The following MAGI2 variants were observed in gnomAD, a reference collection of about 807,000 sequenced individuals.
The protein encoded by MAGI2 is membrane associated guanylate kinase, WW and PDZ domain containing 2.
MAGI2 carries 35 observed loss-of-function variants against 133.3 expected under a neutral mutation model. The ratio of observed to expected loss-of-function variants is 0.26; its 90% CI spans 0.20 to 0.35. MAGI2 has a LOEUF of 0.35. Ranked by LOEUF, MAGI2 falls within the 10% of genes least tolerant of loss-of-function variation. The probability of loss-of-function intolerance (pLI) is 1.00; values close to 1 mark genes in which losing one functional copy is unlikely to be tolerated. For synonymous variants in MAGI2, 729 were observed against 710.6 expected (o/e 1.03, Z -0.41); for missense variants, 1,636 against 1,863.4 (o/e 0.88, Z 2.25).
intron 6 of MAGI2, among the ~76,000 whole-genome samples, chr7:78,421,489 C>T (rs1462147078): frequency 7.9e-5 from 12 of 152,206 alleles, no homozygotes; most frequent in South Asian, 2.1e-4. Context: ...AGATTATTTT[C>T]GTCACATATA....
At chr7:78,622,916 A>C (rs1807903367) in intron 3 of MAGI2, among the ~76,000 whole-genome samples, 1 of 152,064 alleles carries the variant, frequency 6.6e-6, no homozygotes, top group Non-Finnish European at 1.5e-5. Flanking sequence ...AGCTCTATGC[A>C]CACTAGGCCA....
At chr7:78,131,520 A>G (rs1056170272) in intron 18 of MAGI2, among the ~76,000 whole-genome samples, 4 of 152,212 alleles carry the variant, frequency 2.6e-5, no homozygotes, top group Non-Finnish European at 5.9e-5. Flanking sequence ...AGGGATGGGA[A>G]GCAGATGTTC....
At chr7:78,338,992 CAAACAAACAAACA>C (rs1790070146) in intron 9 of MAGI2, among the ~76,000 whole-genome samples, 1 of 146,406 alleles carries the variant, frequency 6.8e-6, no homozygotes, top group South Asian at 2.3e-4. Flanking sequence ...AGAAAACAAA[CAAACAAACAAACA>C]AACAAACAAA....
intron 4 of MAGI2, among the ~76,000 whole-genome samples, chr7:78,515,355 C>CT (rs201256173): frequency 1.4e-4 from 21 of 151,232 alleles, no homozygotes; most frequent in South Asian, 8.4e-4. Flanking sequence ...CTTCTGTATA[C>CT]TTTTTTTTTA....
rs773668443 is a variant in MAGI2 at position 78,127,313 on chromosome 7, C to T, written c.3307G>A (p.Gly1103Arg). ...QPPLDYRQPP[G>R]GDYQQPPPLD... is the part of the protein sequence containing the mutation. Reference sequence around the variant, plus strand: ...GGTGGGGGCTGCTGGTAGTCCCCTCCTGGGGGTTGCCTGTAATCCAGCGGG... The same window carrying T: ...GGTGGGGGCTGCTGGTAGTCCCCTCTTGGGGGTTGCCTGTAATCCAGCGGG... Residue 1103 changes from glycine (G) to arginine (R), a missense_variant, in exon 19 of 22, where the codon GGA becomes AGA. Transcript: ENST00000354212. 1 of 1,611,782 alleles carries T rather than the reference C, an allele frequency of 6.2e-7. No individual in the cohort carries two copies. The highest frequency in any genetic ancestry group is 8.5e-7 in the Non-Finnish European group (1 of 1,179,444).
chr7:78,669,742 T>C (rs1396850868), intron 2 of MAGI2, among the ~76,000 whole-genome samples: 1 of 152,164 alleles, frequency 6.6e-6, no homozygotes, highest in Non-Finnish European at 1.5e-5. Flanking sequence ...GTGGGCTTTA[T>C]CCCTGGGATG....
At chr7:79,449,492 A>G (rs1255539054) in intron 1 of MAGI2, among the ~76,000 whole-genome samples, 2 of 152,044 alleles carry the variant, frequency 1.3e-5, no homozygotes, top group African/African-American at 4.8e-5. Flanking sequence ...AGGCCTGTGT[A>G]ACTGGCTGCT....
intron 2 of MAGI2, among the ~76,000 whole-genome samples, chr7:78,880,601 A>G (rs485595): frequency 0.61 from 92,879 of 152,030 alleles, 29,689 homozygotes; most frequent in Middle Eastern, 0.75. Context: ...ACAAAAGAAC[A>G]ATATCTGCTA....
intron 3 of MAGI2, among the ~76,000 whole-genome samples, chr7:78,532,561 A>T (rs2150629317): frequency 6.6e-6 from 1 of 152,316 alleles, no homozygotes; most frequent in Admixed American, 6.5e-5. Context: ...AAGCACTTCG[A>T]CTTTATATTT....
intron 1 of MAGI2, among the ~76,000 whole-genome samples, chr7:79,062,083 C>A (rs1244888229): frequency 6.6e-6 from 1 of 152,172 alleles, no homozygotes; most frequent in East Asian, 1.9e-4. Flanking sequence ...ACAATTGCCA[C>A]CCTATTGGCC....
chr7:78,553,955 G>C (rs1311639447), intron 3 of MAGI2, among the ~76,000 whole-genome samples: 4 of 152,184 alleles, frequency 2.6e-5, no homozygotes, highest in Non-Finnish European at 5.9e-5. Context: ...AGTCTGACCT[G>C]AAGTGGGATT....
intron 6 of MAGI2, among the ~76,000 whole-genome samples, chr7:78,394,363 A>G (rs1479268789): frequency 6.6e-6 from 1 of 152,162 alleles, no homozygotes; most frequent in East Asian, 1.9e-4. Context: ...GCTCTCAGAT[A>G]AAGCCTAAAC....
chr7:78,224,557 T>A (rs934037884), intron 10 of MAGI2, among the ~76,000 whole-genome samples: 1 of 152,068 alleles, frequency 6.6e-6, no homozygotes, highest in East Asian at 1.9e-4. Context: ...TCCCAACTAC[T>A]TGGGAGGCTG....
At chr7:78,806,698 T>C (rs1222277241) in intron 2 of MAGI2, among the ~76,000 whole-genome samples, 2 of 151,490 alleles carry the variant, frequency 1.3e-5, no homozygotes, top group East Asian at 3.9e-4. Context: ...AGATCCTGTC[T>C]CTACAAAAAA....
intron 2 of MAGI2, among the ~76,000 whole-genome samples, chr7:78,772,776 G>C (rs187749310): frequency 6.6e-6 from 1 of 152,136 alleles, no homozygotes; most frequent in East Asian, 1.9e-4. Flanking sequence ...ACAAAAATTG[G>C]CACCAAAACA....
intron 9 of MAGI2, 130 bp from the exon 10 acceptor site, chr7:78,256,711 T>C: frequency 1.4e-6 from 1 of 737,212 alleles, no homozygotes; most frequent in Non-Finnish European, 2.2e-6. Context: ...ATTAGAATAA[T>C]ACTTAAAATC....
intron 1 of MAGI2, among the ~76,000 whole-genome samples, chr7:79,050,968 C>A (rs1305566491): frequency 6.6e-6 from 1 of 152,210 alleles, no homozygotes; most frequent in South Asian, 2.1e-4. Context: ...ACTCTGAGAC[C>A]ATGATAAAAG....
chr7:78,171,422 G>C (rs1826097783), intron 14 of MAGI2, among the ~76,000 whole-genome samples: 1 of 152,184 alleles, frequency 6.6e-6, no homozygotes, highest in Non-Finnish European at 1.5e-5. Flanking sequence ...CCCACCCCAT[G>C]AGAGTCTGAT....
intron 1 of MAGI2, among the ~76,000 whole-genome samples, chr7:79,316,344 A>G (rs1030015828): frequency 1.3e-5 from 2 of 152,198 alleles, no homozygotes; most frequent in Admixed American, 1.3e-4. Context: ...AGGAATAACA[A>G]CACCAGTATT....
Sources: allele counts gnomAD v4.1 joint callset (sites outside exome capture counted in the v4.1 genomes callset), GRCh38; gene constraint gnomAD v4.1.1; transcripts MANE v1.5; gene names NCBI Gene and HGNC (gene_info 2026-07-23, HGNC 2026-07-21).